DNM3: variants seen among roughly 807,000 people sequenced by gnomAD.
DNM3 encodes dynamin 3.
Under a neutral mutation model 101.6 loss-of-function variants are expected in DNM3, and 47 were observed. That is an observed-to-expected ratio of 0.46 (90% confidence interval 0.37 to 0.59). The LOEUF (loss-of-function observed/expected upper bound fraction) is 0.59. Ranked by LOEUF, DNM3 falls within the 20% of genes least tolerant of loss-of-function variation. The pLI, the probability that DNM3 is intolerant of heterozygous loss-of-function variation, is 0.00. For synonymous variants in DNM3, 385 were observed against 387.9 expected (o/e 0.99, Z 0.09); for missense variants, 849 against 1,085.7 (o/e 0.78, Z 3.06).
chr1:172,379,842 C>G (rs2068802708), intron 18 of DNM3, among the ~76,000 whole-genome samples: 1 of 151,742 alleles, frequency 6.6e-6, no homozygotes, highest in Admixed American at 6.6e-5. Context: ...TGATTTAGTT[C>G]TTTTGGTAGT....
chr1:172,137,767 G>A (rs2057325269), intron 14 of DNM3: 1 of 152,090 alleles, frequency 6.6e-6, no homozygotes, highest in Admixed American at 6.6e-5. Flanking sequence ...CTAAATAAAA[G>A]TTGACACATT....
chr1:172,407,250 GAACTCTA>G (rs2070961744), intron 20 of DNM3, among the ~76,000 whole-genome samples: 1 of 151,906 alleles, frequency 6.6e-6, no homozygotes, highest in African/African-American at 2.4e-5. Context: ...TTGCTACAGA[GAACTCTA>G]AAGACTTGCT....
intron 17 of DNM3, among the ~76,000 whole-genome samples, chr1:172,369,698 A>G (rs1471610532): frequency 1.3e-5 from 2 of 151,982 alleles, no homozygotes; most frequent in African/African-American, 4.8e-5. Context: ...TAGATTTCCA[A>G]TACTTTCTAC....
intron 20 of DNM3, among the ~76,000 whole-genome samples, chr1:172,397,720 G>A (rs1017318649): frequency 6.6e-6 from 1 of 151,300 alleles, no homozygotes; most frequent in Admixed American, 6.6e-5. Context: ...TTAAAACTTT[G>A]GTGTATAACT....
chr1:172,408,566 C>G lies in DNM3; in HGVS notation c.*725C>G. On this transcript the variant is annotated 3_prime_UTR_variant, in exon 21 of 21. Coordinates refer to ENST00000627582, the MANE Select transcript of DNM3 (RefSeq NM_015569.5). The stretch of plus-strand genomic sequence containing the variant: ...AATTTGGCTAATTAGTTTCAGAGTT[C>G]AAGGAAGAAGCAAAATATCACATCT... The G allele has an allele frequency of 2.0e-6, 2 of 985,178 alleles. No individual in the cohort carries two copies. Among genetic ancestry groups the G allele is most frequent in the Non-Finnish European group, 2.4e-6 (2 of 829,824 alleles). 61.0% of individuals were successfully genotyped at this position (985,178 alleles called of 1,614,324 possible). A position where few individuals can be genotyped will look rare whatever the true frequency, so the allele number is the denominator to read the frequency against.
At chr1:171,905,168 C>G (rs567325534) in intron 1 of DNM3, among the ~76,000 whole-genome samples, 1 of 152,184 alleles carries the variant, frequency 6.6e-6, no homozygotes, top group Middle Eastern at 3.2e-3. Context: ...TGCGTACATT[C>G]ATTCATATAC....
chr1:171,926,391 TTAA>T (rs2040575288), intron 2 of DNM3, among the ~76,000 whole-genome samples: 1 of 152,122 alleles, frequency 6.6e-6, no homozygotes, highest in Admixed American at 6.5e-5. Flanking sequence ...CCATTTTGAG[TTAA>T]TAATTTTATG....
At chr1:171,945,342 A>T (rs2042106978) in intron 2 of DNM3, among the ~76,000 whole-genome samples, 1 of 152,182 alleles carries the variant, frequency 6.6e-6, no homozygotes, top group Non-Finnish European at 1.5e-5. Context: ...AAATGCATGG[A>T]TAGTAAAGAG....
chr1:172,334,862 A>C (rs942809688), intron 17 of DNM3, among the ~76,000 whole-genome samples: 1 of 150,282 alleles, frequency 6.7e-6, no homozygotes, highest in African/African-American at 2.5e-5. Flanking sequence ...TTCACTAAAT[A>C]AAAAAAAACT....
At chr1:172,329,096 G>A (rs1038103892) in intron 17 of DNM3, among the ~76,000 whole-genome samples, 2 of 151,956 alleles carry the variant, frequency 1.3e-5, no homozygotes, top group African/African-American at 4.8e-5. Flanking sequence ...ATGTGGTTAT[G>A]GTACTGTATG....
intron 16 of DNM3, among the ~76,000 whole-genome samples, chr1:172,322,019 G>T (rs191725911): frequency 6.6e-6 from 1 of 151,950 alleles, no homozygotes; most frequent in Non-Finnish European, 1.5e-5. Context: ...AACTCACAAT[G>T]CCAAGAAACT....
At chr1:172,073,691 C>A (rs1292354692) in intron 11 of DNM3, among the ~76,000 whole-genome samples, 2 of 152,146 alleles carry the variant, frequency 1.3e-5, no homozygotes, top group African/African-American at 4.8e-5. Flanking sequence ...CAAATACTCA[C>A]AATAGTCACC....
At chr1:172,076,902 CT>C (rs2125972255) in intron 11 of DNM3, among the ~76,000 whole-genome samples, 1 of 152,310 alleles carries the variant, frequency 6.6e-6, no homozygotes, top group African/African-American at 2.4e-5. Context: ...ACCAGCTCCT[CT>C]TTGTACCTAT....
At chr1:171,881,204 A>G (rs898620367) in intron 1 of DNM3, among the ~76,000 whole-genome samples, 5 of 152,214 alleles carry the variant, frequency 3.3e-5, no homozygotes, top group African/African-American at 1.2e-4. Flanking sequence ...GTTTACTAAG[A>G]TATCAAATCA....
At chr1:172,335,930 C>G (rs567731446) in intron 17 of DNM3, among the ~76,000 whole-genome samples, 7 of 152,158 alleles carry the variant, frequency 4.6e-5, no homozygotes, top group South Asian at 4.2e-4. Flanking sequence ...ACGTTTACCC[C>G]CTGAATCCAA....
intron 17 of DNM3, among the ~76,000 whole-genome samples, chr1:172,344,159 G>T (rs966259315): frequency 6.6e-6 from 1 of 152,104 alleles, no homozygotes; most frequent in Non-Finnish European, 1.5e-5. Context: ...AGATTCAGAG[G>T]ACTTCATCCT....
intron 13 of DNM3, among the ~76,000 whole-genome samples, chr1:172,118,400 T>C (rs2056073846): frequency 6.6e-6 from 1 of 152,202 alleles, no homozygotes; most frequent in Non-Finnish European, 1.5e-5. Context: ...TACTTGACAT[T>C]GACAAATTGC....
rs146815446 is a variant in DNM3 at position 171,875,275 on chromosome 1, C to T, written c.161+33458C>T. Among the ~76,000 whole-genome samples the T allele has an allele frequency of 3.3e-5, 5 of 152,324 alleles. No individual in the cohort carries two copies. In the East Asian group the frequency reaches 9.6e-4, roughly 29 times the overall value. On this transcript the variant is annotated intron_variant, in intron 1 of 20. Coordinates refer to ENST00000627582, the MANE Select transcript of DNM3 (RefSeq NM_015569.5). ...TTTCCACAGTGGCTGAACTAATTTA[C>T]ATTCCCACCAACAGTGTATAAGCCT...
intron 15 of DNM3, among the ~76,000 whole-genome samples, chr1:172,282,357 C>T (rs779159669): frequency 6.6e-6 from 1 of 152,084 alleles, no homozygotes; most frequent in Middle Eastern, 3.2e-3. Context: ...TGCATTATTT[C>T]AAATTCTTAA....
Sources: gnomAD v4.1 joint callset for allele counts (sites outside exome capture counted in the v4.1 genomes callset) on GRCh38, gnomAD v4.1.1 for gene constraint, MANE v1.5 for transcripts, NCBI Gene and HGNC (gene_info 2026-07-23, HGNC 2026-07-21) for gene names.